The following CCDC141 variants were observed in gnomAD, a reference collection of about 807,000 sequenced individuals.
CCDC141 encodes the protein coiled-coil domain containing 141.
CCDC141 carries 168 observed loss-of-function variants against 181.0 expected under a neutral mutation model. The observed-to-expected ratio is 0.93, with a 90% CI of 0.82 to 1.05. CCDC141 has a LOEUF of 1.05. CCDC141 is among the 50% of genes least tolerant of loss of function. CCDC141 has a pLI of 0.00. For synonymous variants in CCDC141, 666 were observed against 642.3 expected, an observed-to-expected ratio of 1.04 and a Z score of -0.56; for missense variants, 1,902 against 1,788.5, an observed-to-expected ratio of 1.06 and a Z score of -1.14.
chr2:178,847,101 G>T (rs1299319057), intron 21 of CCDC141, among the ~76,000 whole-genome samples: 1 of 152,150 alleles, frequency 6.6e-6, no homozygotes, highest in Admixed American at 6.5e-5. Context: ...TATTTCTCTT[G>T]CCAGAGAGAC....
chr2:178,873,578 A>T (rs957453162), intron 12 of CCDC141: 4 of 152,228 alleles, frequency 2.6e-5, no homozygotes, highest in African/African-American at 9.6e-5. Context: ...TCAGAAGGAT[A>T]TGGTGGTCTG....
intron 23 of CCDC141, chr2:178,836,156 A>G (rs1684467863): frequency 6.6e-6 from 1 of 152,528 alleles, no homozygotes; most frequent in Non-Finnish European, 1.5e-5. Context: ...TTTAAAAGTA[A>G]CCCACATATT....
At chr2:178,956,548 C>T (rs1690170159) in intron 5 of CCDC141, among the ~76,000 whole-genome samples, 1 of 152,150 alleles carries the variant, frequency 6.6e-6, no homozygotes, top group Non-Finnish European at 1.5e-5. Flanking sequence ...AGCAGTTTGC[C>T]CGCCTCACCT....
At position 178,961,321 on chromosome 2, in the gene CCDC141, C is replaced by T. The variant is rs1188796879; in HGVS notation, c.689G>A (p.Arg230Lys). The stretch of plus-strand genomic sequence containing the variant: ...CAAGTACTTGTCTAGTTGTCTTCTC[C>T]TGTCTTGTAGAAGTTCAAGAAGGCG... ...VDRLLELLQD[R>K]RRQLDKYLKQ... The change falls in exon 5 of 24, where the codon AGG (arginine) becomes AAG (lysine). Residue 230 changes from arginine (R) to lysine (K), a missense_variant. Coordinates refer to ENST00000443758, the MANE Select transcript of CCDC141 (RefSeq NM_173648.4). 1 of 1,550,424 alleles carries T rather than the reference C, an allele frequency of 6.4e-7. No homozygotes were observed. The highest frequency in any genetic ancestry group is 2.4e-5 in the East Asian group (1 of 40,930).
rs1213866117 is a variant in CCDC141 at position 178,978,542 on chromosome 2, A to G, written c.359T>C (p.Leu120Pro). 4 of 1,545,218 alleles carry G rather than the reference A, an allele frequency of 2.6e-6. No individual in the cohort carries two copies. In the South Asian group the frequency reaches 3.6e-5, roughly 14 times the overall value. ...GEAWAALVSM[L>P]ERRTELLRLT... The stretch of plus-strand genomic sequence containing the variant: ...CCTAAGGAGCTCTGTTCTTCTTTCA[A>G]GCATGGACACCAGAGCTGCCCATGC... Residue 120 changes from leucine (L) to proline (P), a missense_variant, in exon 3 of 24, where the codon CTT becomes CCT. Transcript: ENST00000443758.
At chr2:178,865,677 G>C in intron 17 of CCDC141, 90 bp downstream of exon 17, 3 of 1,185,848 alleles carry the variant, frequency 2.5e-6, no homozygotes, top group South Asian at 5.2e-5. Context: ...ATGTGTGTGG[G>C]AGTGTGCACA....
In CCDC141 at chr2:178,978,686, A is replaced by G. The variant is rs1691232427; in HGVS notation, c.226-11T>C. On this transcript the variant is annotated splice_polypyrimidine_tract_variant and intron_variant, in intron 2 of 23. Transcript: ENST00000443758. ...CCGATCTTCCAAAGCCTAAGTACAA[A>G]AGAAAAAGGCATAAGGCAGGGTGTT... 3.3e-6 allele frequency: 5 copies of G among 1,514,562 alleles called. No homozygotes were observed. The African/African-American group carries it at 4.2e-5, about 13-fold the overall frequency. The allele number at this position is 1,514,562 out of a possible 1,614,324, so 93.8% of individuals were successfully genotyped here. A position where few individuals can be genotyped will look rare whatever the true frequency, so the allele number is the denominator to read the frequency against.
intron 2 of CCDC141, among the ~76,000 whole-genome samples, chr2:178,986,617 A>T (rs1691755393): frequency 6.6e-6 from 1 of 151,534 alleles, no homozygotes; most frequent in African/African-American, 2.4e-5. Flanking sequence ...ACTTCAGCAA[A>T]GTCTCAGGAT....
chr2:178,980,598 G>T (rs1218734989), intron 2 of CCDC141, among the ~76,000 whole-genome samples: 1 of 152,190 alleles, frequency 6.6e-6, no homozygotes, highest in African/African-American at 2.4e-5. Flanking sequence ...ATTTTTACGT[G>T]CCCTTGCTCT....
chr2:179,021,454 G>A (rs2042690019), intron 2 of CCDC141, among the ~76,000 whole-genome samples: 2 of 152,174 alleles, frequency 1.3e-5, no homozygotes, highest in African/African-American at 4.8e-5. Flanking sequence ...CAGCTAATGA[G>A]CTGCTGAAAA....
At chr2:178,901,645 A>G (rs541281603) in intron 8 of CCDC141, among the ~76,000 whole-genome samples, 1,831 of 152,034 alleles carry the variant, frequency 0.012, 39 homozygotes, top group African/African-American at 0.042. Context: ...CCCACAGCCA[A>G]TATCATACTG....
intron 7 of CCDC141, among the ~76,000 whole-genome samples, chr2:178,910,424 A>G (rs934656986): frequency 2.0e-5 from 3 of 152,138 alleles, no homozygotes; most frequent in African/African-American, 7.2e-5. Flanking sequence ...GCTTATAACT[A>G]TCAAAAACAC....
intron 2 of CCDC141, among the ~76,000 whole-genome samples, chr2:178,997,413 TAGTC>T (rs960324454): frequency 6.6e-6 from 1 of 152,082 alleles, no homozygotes; most frequent in African/African-American, 2.4e-5. Flanking sequence ...ATGTATCAGT[TAGTC>T]AGCCTGAAAC....
intron 7 of CCDC141, among the ~76,000 whole-genome samples, chr2:178,909,857 T>C (rs572707810): frequency 6.6e-6 from 1 of 152,210 alleles, no homozygotes; most frequent in Non-Finnish European, 1.5e-5. Context: ...CTTTTTTCCT[T>C]CATATATCTC....
intron 2 of CCDC141, among the ~76,000 whole-genome samples, chr2:179,022,748 T>C (rs2042724194): frequency 6.6e-6 from 1 of 152,198 alleles, no homozygotes; most frequent in South Asian, 2.1e-4. Context: ...ATCATATATT[T>C]CTGGAGGCCA....
intron 8 of CCDC141, among the ~76,000 whole-genome samples, chr2:178,896,340 C>A (rs1483184027): frequency 6.6e-6 from 1 of 152,136 alleles, no homozygotes; most frequent in Non-Finnish European, 1.5e-5. Context: ...CTCATGGGCC[C>A]CTCGTGCCTG....
intron 2 of CCDC141, among the ~76,000 whole-genome samples, chr2:179,041,024 C>G (rs1323305285): frequency 2.0e-5 from 3 of 152,098 alleles, no homozygotes; most frequent in Admixed American, 6.6e-5. Flanking sequence ...TAAAAGCATT[C>G]CTTTTCTCCA....
At chr2:179,036,428 A>C (rs971400935) in intron 2 of CCDC141, among the ~76,000 whole-genome samples, 2 of 152,210 alleles carry the variant, frequency 1.3e-5, no homozygotes, top group Non-Finnish European at 2.9e-5. Context: ...TGTGAAAACT[A>C]TGTTTTACAG....
intron 2 of CCDC141, among the ~76,000 whole-genome samples, chr2:179,018,628 C>T (rs531813323): frequency 6.6e-6 from 1 of 152,246 alleles, no homozygotes; most frequent in African/African-American, 2.4e-5. Context: ...TCCATGAAAC[C>T]CTTCTCTCCA....
Sources: gnomAD v4.1 joint callset for allele counts (sites outside exome capture counted in the v4.1 genomes callset) on GRCh38, gnomAD v4.1.1 for gene constraint, MANE v1.5 for transcripts, NCBI Gene and HGNC (gene_info 2026-07-23, HGNC 2026-07-21) for gene names.